Variants in SLC44A5 observed in about 807,000 individuals in gnomAD.
SLC44A5 encodes the protein solute carrier family 44 member 5, also known as choline transporter-like protein 5.
Under a neutral mutation model 101.8 loss-of-function variants are expected in SLC44A5, and 57 were observed. The observed-to-expected ratio is 0.56, with a 90% CI of 0.45 to 0.70. SLC44A5 has a LOEUF of 0.70. Ranked by LOEUF, SLC44A5 falls within the 30% of genes least tolerant of loss-of-function variation. The pLI is 0.00. For synonymous variants in SLC44A5, 281 were observed against 290.9 expected, an observed-to-expected ratio of 0.97 and a Z score of 0.35; for missense variants, 737 against 853.1, an observed-to-expected ratio of 0.86 and a Z score of 1.70.
At chr1:75,659,493 G>GAAGGAAGGAAGGAAGGAAGGAAGGAAGA in the SLC44A5 span, among the ~76,000 whole-genome samples, 3 of 109,032 alleles carry the variant, frequency 2.8e-5, no homozygotes, top group South Asian at 3.1e-4. Flanking sequence ...AGGAAGGAAG[G>GAAGGAAGGAAGGAAGGAAGGAAGGAAGA]CAGGCAGGCA....
intron 8 of SLC44A5, 88 bp downstream of exon 8, chr1:75,242,798 G>C (rs2100608743): frequency 2.8e-6 from 4 of 1,409,514 alleles, no homozygotes; most frequent in Non-Finnish European, 3.8e-6. Flanking sequence ...AGATTTGGGA[G>C]CTTGTTCAGT....
chr1:75,479,478 G>C (rs1022646588), intron 2 of SLC44A5, among the ~76,000 whole-genome samples: 6 of 150,220 alleles, frequency 4.0e-5, no homozygotes, highest in Admixed American at 2.7e-4. Context: ...TTTTTGAAAG[G>C]ATCAACAAAA....
In SLC44A5 at chr1:75,396,592, C is replaced by T; in HGVS notation, c.43G>A (p.Glu15Lys). ...TCAGACTATGACTTACCAAAGTCCT[C>T]TTCCTCAGAGGGAGTATCTGCTGGT... The part of the protein sequence containing the change: ...EKPADTPSEE[E>K]DFGDPRTYDP... Residue 15 changes from glutamate to lysine, a missense_variant, in exon 3 of 24, where the codon GAG (glutamate) becomes AAG (lysine). Transcript: ENST00000370859. The T allele has an allele frequency of 6.2e-7, 1 of 1,612,616 alleles. No homozygotes were observed. The highest frequency in any genetic ancestry group is 8.5e-7 in the Non-Finnish European group (1 of 1,179,114).
At chr1:75,409,164 G>T (rs763232041) in intron 2 of SLC44A5, among the ~76,000 whole-genome samples, 7 of 152,148 alleles carry the variant, frequency 4.6e-5, no homozygotes, top group Non-Finnish European at 8.8e-5. Context: ...GGGAACAATA[G>T]ACACTGGAGA....
chr1:75,222,570 C>A, intron 13 of SLC44A5, 110 bp from the exon 14 acceptor site: 1 of 634,296 alleles, frequency 1.6e-6, no homozygotes, highest in South Asian at 1.9e-5. Context: ...AATTCTGACA[C>A]CTCATAATCT....
intron 4 of SLC44A5, among the ~76,000 whole-genome samples, chr1:75,312,689 A>G (rs1027406642): frequency 8.0e-5 from 12 of 150,346 alleles, no homozygotes; most frequent in Non-Finnish European, 1.8e-4. Context: ...TGTATAATCT[A>G]TTCATTATTA....
At chr1:75,699,514 GA>G in the SLC44A5 span, among the ~76,000 whole-genome samples, 5 of 150,438 alleles carry the variant, frequency 3.3e-5, no homozygotes, top group African/African-American at 1.2e-4. Context: ...GCTAAACATG[GA>G]AAGGAACAAC....
At chr1:75,383,405 C>G (rs1358181159) in intron 3 of SLC44A5, among the ~76,000 whole-genome samples, 1 of 151,542 alleles carries the variant, frequency 6.6e-6, no homozygotes, top group Non-Finnish European at 1.5e-5. Flanking sequence ...CCAAATCTCT[C>G]GTCCCACCTT....
intron 1 of SLC44A5, among the ~76,000 whole-genome samples, chr1:75,602,101 T>A (rs1675015335): frequency 6.6e-6 from 1 of 152,186 alleles, no homozygotes. Flanking sequence ...TTTTCTACCA[T>A]TTACTGCTGT....
At chr1:75,495,056 A>C (rs1329861395) in intron 2 of SLC44A5, among the ~76,000 whole-genome samples, 1 of 152,204 alleles carries the variant, frequency 6.6e-6, no homozygotes, top group African/African-American at 2.4e-5. Context: ...CCTAATGCAC[A>C]GAAACCAACT....
At chr1:75,456,732 T>C (rs1666205843) in intron 2 of SLC44A5, among the ~76,000 whole-genome samples, 1 of 152,228 alleles carries the variant, frequency 6.6e-6, no homozygotes, top group Admixed American at 6.5e-5. Flanking sequence ...AATGCCTTTA[T>C]TCCACCATCT....
chr1:75,618,499 C>T, the SLC44A5 span, among the ~76,000 whole-genome samples: 1 of 152,210 alleles, frequency 6.6e-6, no homozygotes, highest in Non-Finnish European at 1.5e-5. Flanking sequence ...AGACAGAATA[C>T]ATGACACCAT....
At chr1:75,438,522 T>G (rs1665014404) in intron 2 of SLC44A5, among the ~76,000 whole-genome samples, 1 of 152,102 alleles carries the variant, frequency 6.6e-6, no homozygotes, top group South Asian at 2.1e-4. Context: ...CACTGTGCAG[T>G]ACTAAATGAG....
upstream of SLC44A5, among the ~76,000 whole-genome samples, chr1:75,613,096 C>A (rs966396230): frequency 5.9e-5 from 9 of 152,216 alleles, no homozygotes; most frequent in Non-Finnish European, 4.4e-5. Flanking sequence ...GATAGTCTCT[C>A]TTGCTAGGAC....
chr1:75,288,992 A>G (rs1456763389), intron 5 of SLC44A5, among the ~76,000 whole-genome samples: 2 of 152,188 alleles, frequency 1.3e-5, no homozygotes, highest in Admixed American at 1.3e-4. Flanking sequence ...TTAGCATATA[A>G]TCTTGATGCC....
At chr1:75,261,662 C>G (rs1308418344) in intron 6 of SLC44A5, among the ~76,000 whole-genome samples, 1 of 152,132 alleles carries the variant, frequency 6.6e-6, no homozygotes, top group Non-Finnish European at 1.5e-5. Flanking sequence ...CTCCCTAAAT[C>G]ATTTTATGAA....
At chr1:75,642,059 C>G in the SLC44A5 span, 2 of 1,333,272 alleles carry the variant, frequency 1.5e-6, no homozygotes, top group Non-Finnish European at 2.1e-6. Flanking sequence ...GTCTTCTGGT[C>G]CAATGAAGAA....
intron 2 of SLC44A5, among the ~76,000 whole-genome samples, chr1:75,408,887 C>A (rs1663088615): frequency 6.6e-6 from 1 of 152,028 alleles, no homozygotes; most frequent in African/African-American, 2.4e-5. Context: ...CAGGTACTGT[C>A]ACTTAATAGG....
the SLC44A5 span, among the ~76,000 whole-genome samples, chr1:75,665,379 G>T: frequency 6.6e-6 from 1 of 151,974 alleles, no homozygotes; most frequent in African/African-American, 2.4e-5. Context: ...AATAAATGAT[G>T]CTACGTTAAC....
Sources: gnomAD v4.1 joint callset for allele counts (sites outside exome capture counted in the v4.1 genomes callset) on GRCh38, gnomAD v4.1.1 for gene constraint, MANE v1.5 for transcripts, NCBI Gene and HGNC (gene_info 2026-07-23, HGNC 2026-07-21) for gene names.